Variants in RUFY4 observed in about 807,000 individuals in gnomAD.
RUFY4 encodes the protein RUN and FYVE domain containing 4, also known as RUN and FYVE domain-containing protein 4.
RUFY4 carries 73 observed loss-of-function variants against 69.0 expected under a neutral mutation model. That is an observed-to-expected ratio of 1.06 (90% CI 0.88 to 1.29). The LOEUF (loss-of-function observed/expected upper bound fraction) is 1.29. Among genes scored for constraint, RUFY4 ranks in the 50% most tolerant of loss-of-function variants. The probability of loss-of-function intolerance (pLI) is 0.00; values close to 1 mark genes in which losing one functional copy is unlikely to be tolerated. For synonymous variants in RUFY4, 287 were observed against 271.8 expected (o/e 1.06, Z -0.55); for missense variants, 770 against 705.6 (o/e 1.09, Z -1.03).
intron 3 of RUFY4, chr2:218,060,876 A>T (rs985013991): frequency 1.0e-5 from 13 of 1,301,608 alleles, no homozygotes; most frequent in Admixed American, 1.7e-5. Flanking sequence ...CCTTCGGAAA[A>T]GCAAGATGCG....
At chr2:218,071,164 C>T (rs536848801) in intron 2 of RUFY4, among the ~76,000 whole-genome samples, 1 of 152,332 alleles carries the variant, frequency 6.6e-6, no homozygotes, top group African/African-American at 2.4e-5. Flanking sequence ...TGCTGCTACT[C>T]AGAGCCCCAA....
intron 2 of RUFY4, among the ~76,000 whole-genome samples, chr2:218,050,630 G>C (rs962964001): frequency 2.6e-5 from 4 of 152,158 alleles, no homozygotes; most frequent in Non-Finnish European, 5.9e-5. Flanking sequence ...CTTATAGCTG[G>C]ATATTCACAT....
At chr2:218,063,705 G>A (rs975042038) in intron 3 of RUFY4, among the ~76,000 whole-genome samples, 1 of 152,232 alleles carries the variant, frequency 6.6e-6, no homozygotes, top group East Asian at 1.9e-4. Flanking sequence ...TTGAGTCATG[G>A]GTGTGAGCGA....
intron 2 of RUFY4, among the ~76,000 whole-genome samples, chr2:218,054,824 C>A (rs1404886076): frequency 6.6e-6 from 1 of 152,152 alleles, no homozygotes; most frequent in African/African-American, 2.4e-5. Context: ...GGCAAATTTT[C>A]ATGAACAAAG....
chr2:218,082,368 C>T (rs999249430), intron 8 of RUFY4, among the ~76,000 whole-genome samples: 8 of 126,098 alleles, frequency 6.3e-5, no homozygotes, highest in Non-Finnish European at 1.4e-4. Context: ...AGCCTGGGTT[C>T]CCAGGCGTCT....
At chr2:218,071,977 T>A (rs1187274372) in intron 2 of RUFY4, among the ~76,000 whole-genome samples, 1 of 152,126 alleles carries the variant, frequency 6.6e-6, no homozygotes, top group Non-Finnish European at 1.5e-5. Flanking sequence ...TGAGTAGGTG[T>A]CTTGAGGAGA....
At chr2:218,078,342 A>C (rs1301377272) in intron 8 of RUFY4, among the ~76,000 whole-genome samples, 1 of 152,238 alleles carries the variant, frequency 6.6e-6, no homozygotes, top group Non-Finnish European at 1.5e-5. Context: ...GTGAAGATCA[A>C]GCCCTTTGAC....
chr2:218,050,283 G>A (rs1433698957), intron 2 of RUFY4, among the ~76,000 whole-genome samples: 1 of 152,184 alleles, frequency 6.6e-6, no homozygotes, highest in African/African-American at 2.4e-5. Context: ...ACTCTCCAGT[G>A]TCCACATATC....
chr2:218,063,039 C>T (rs887615460), intron 3 of RUFY4, among the ~76,000 whole-genome samples: 1 of 152,208 alleles, frequency 6.6e-6, no homozygotes. Flanking sequence ...GCTGGCTCTG[C>T]CCTTGCTACA....
chr2:218,090,198 G>T, exon 11 of RUFY4: 1 of 450,044 alleles, frequency 2.2e-6, no homozygotes, highest in Non-Finnish European at 4.4e-6. Flanking sequence ...CAGCACTTCT[G>T]TGGGCAGAGT....
chr2:218,070,487 T>A, upstream of RUFY4: 1 of 883,072 alleles, frequency 1.1e-6, no homozygotes, highest in South Asian at 1.5e-5. Flanking sequence ...GATTAGTCAC[T>A]TTCCCTCTGT....
chr2:218,035,917 C>G (rs758875747), intron 2 of RUFY4, among the ~76,000 whole-genome samples: 5 of 152,160 alleles, frequency 3.3e-5, no homozygotes, highest in African/African-American at 1.2e-4. Context: ...GATGAGTACC[C>G]GGGTGAGGCT....
chr2:218,075,272 G>A (rs1488203544), exon 7 of RUFY4: 1 of 1,591,096 alleles, frequency 6.3e-7, no homozygotes, highest in African/African-American at 1.3e-5. Context: ...GGAAACATAG[G>A]TACCCCCAGA....
rs755003802 is a variant in RUFY4 at position 218,063,564 on chromosome 2, A to G, written c.-1071+4883A>G. ...GAATTGAAAGCTATGCCCACACAAA[A>G]ACTAATGTTCATAGTGGCATGCTCC... On this transcript the variant is annotated intron_variant and NMD_transcript_variant, in intron 3 of 13. Transcript: ENST00000457754. Among the ~76,000 whole-genome samples, 74 of 152,316 alleles carry G rather than the reference A, an allele frequency of 4.9e-4. 1 individual carries two copies. The highest frequency in any genetic ancestry group is 8.5e-4 in the Non-Finnish European group (58 of 68,022).
chr2:218,073,672 A>G (rs1280133774), intron 5 of RUFY4, 144 bp from the exon 8 acceptor site: 38 of 862,730 alleles, frequency 4.4e-5, no homozygotes, highest in Non-Finnish European at 6.9e-5. Flanking sequence ...TGAATGGAGG[A>G]TGGGATGCAT....
chr2:218,056,570 T>C (rs552416797), intron 2 of RUFY4, among the ~76,000 whole-genome samples: 1 of 152,326 alleles, frequency 6.6e-6, no homozygotes, highest in Admixed American at 6.5e-5. Flanking sequence ...AGTGATGCTT[T>C]CAGACAATGA....
intron 2 of RUFY4, among the ~76,000 whole-genome samples, chr2:218,057,619 C>A (rs1393541615): frequency 6.6e-6 from 1 of 152,212 alleles, no homozygotes; most frequent in Non-Finnish European, 1.5e-5. Context: ...ACTAACAGAG[C>A]TGTAAAACCA....
At chr2:218,046,416 C>CT (rs1308321970) in intron 2 of RUFY4, among the ~76,000 whole-genome samples, 4 of 152,016 alleles carry the variant, frequency 2.6e-5, no homozygotes, top group African/African-American at 9.7e-5. Context: ...ATGAGTTCAA[C>CT]TTTTTTTAGC....
chr2:218,039,517 G>C (rs1959029926), intron 2 of RUFY4, among the ~76,000 whole-genome samples: 1 of 152,206 alleles, frequency 6.6e-6, no homozygotes, highest in Non-Finnish European at 1.5e-5. Context: ...TCACAGGCTG[G>C]GGGAGGGTGG....
Sources: allele counts gnomAD v4.1 joint callset (sites outside exome capture counted in the v4.1 genomes callset), GRCh38; gene constraint gnomAD v4.1.1; transcripts MANE v1.5; gene names NCBI Gene and HGNC (gene_info 2026-07-23, HGNC 2026-07-21).